Variants in C1GALT1 observed in about 807,000 individuals in gnomAD.
C1GALT1 encodes core 1 synthase, glycoprotein-N-acetylgalactosamine 3-beta-galactosyltransferase 1.
In C1GALT1, 11 loss-of-function variants were observed where a neutral mutation model predicts 31.0. That is an observed-to-expected ratio of 0.36 (90% confidence interval 0.22 to 0.59). The LOEUF (loss-of-function observed/expected upper bound fraction) is 0.59. C1GALT1 is among the 20% of genes least tolerant of loss of function. The pLI is 0.79. For missense variants in C1GALT1, 424 were observed against 425.2 expected (o/e 1.00, Z 0.03); for synonymous variants, 175 against 143.6 (o/e 1.22, Z -1.56).
At position 7,215,328 on chromosome 7, in the gene C1GALT1, C is replaced by T. The variant is rs529478713; in HGVS notation, c.-17-18975C>T. ...CTGAAGACCAACCTCACAAATCCTT[C>T]TTCATTAATTATAAATTTACAGAGA... On this transcript the variant is annotated intron_variant, in intron 1 of 3. Transcript: ENST00000436587. 3.9e-5 allele frequency among the ~76,000 whole-genome samples: 6 copies of T among 152,298 alleles called. No homozygotes were observed. In the East Asian group the frequency reaches 1.2e-3, roughly 29 times the overall value.
intron 2 of C1GALT1, among the ~76,000 whole-genome samples, chr7:7,176,460 A>AT (rs1193502680): frequency 6.6e-6 from 1 of 151,666 alleles, no homozygotes; most frequent in Non-Finnish European, 1.5e-5. Flanking sequence ...TTTCTCATCA[A>AT]TTGAGAAAAC....
intron 2 of C1GALT1, among the ~76,000 whole-genome samples, chr7:7,171,005 TATTC>T (rs1434783054): frequency 1.3e-5 from 2 of 152,202 alleles, no homozygotes; most frequent in Admixed American, 1.3e-4. Context: ...TTTTAAAATT[TATTC>T]ACTTGTTTTG....
At chr7:7,216,536 C>T (rs571270032) in intron 1 of C1GALT1, among the ~76,000 whole-genome samples, 4 of 151,122 alleles carry the variant, frequency 2.6e-5, no homozygotes, top group South Asian at 4.2e-4. Context: ...TGTCACCTTT[C>T]GGGCAAGGCT....
intron 2 of C1GALT1, 36 bp downstream of exon 2, chr7:7,234,575 G>A: frequency 1.3e-6 from 2 of 1,495,066 alleles, no homozygotes; most frequent in Non-Finnish European, 1.9e-6. Flanking sequence ...AACATAAGCA[G>A]TATTTTAGTC....
intron 1 of C1GALT1, among the ~76,000 whole-genome samples, chr7:7,213,025 A>G (rs1243032997): frequency 1.3e-5 from 2 of 152,218 alleles, no homozygotes; most frequent in Admixed American, 1.3e-4. Flanking sequence ...AAACCAAACA[A>G]GGATCAACAA....
chr7:7,192,816 A>G (rs573925384), intron 1 of C1GALT1, among the ~76,000 whole-genome samples: 2 of 152,060 alleles, frequency 1.3e-5, no homozygotes, highest in African/African-American at 4.8e-5. Flanking sequence ...GCCAACATCT[A>G]TTATTTTTTG....
chr7:7,187,891 T>C (rs1780892133), intron 1 of C1GALT1, among the ~76,000 whole-genome samples: 1 of 152,194 alleles, frequency 6.6e-6, no homozygotes, highest in Admixed American at 6.5e-5. Flanking sequence ...ATAGCCTTTA[T>C]TTATATATCA....
At chr7:7,236,799 C>T (rs1354329009) in intron 2 of C1GALT1, among the ~76,000 whole-genome samples, 1 of 152,192 alleles carries the variant, frequency 6.6e-6, no homozygotes, top group African/African-American at 2.4e-5. Context: ...GCTGGGATTA[C>T]AGGCCTGAGC....
intron 1 of C1GALT1, among the ~76,000 whole-genome samples, chr7:7,193,943 AAG>A (rs1233587437): frequency 1.3e-5 from 2 of 151,822 alleles, no homozygotes; most frequent in Non-Finnish European, 2.9e-5. Flanking sequence ...GACATAGTAA[AAG>A]AGTTTGAGTT....
chr7:7,191,629 C>T (rs1781076853), intron 1 of C1GALT1, among the ~76,000 whole-genome samples: 1 of 151,602 alleles, frequency 6.6e-6, no homozygotes, highest in South Asian at 2.1e-4. Flanking sequence ...TCCACATTCT[C>T]TTCAACACTT....
intron 2 of C1GALT1, among the ~76,000 whole-genome samples, chr7:7,157,660 TGTCTA>T (rs1197675520): frequency 4.7e-4 from 72 of 152,332 alleles, no homozygotes; most frequent in African/African-American, 1.7e-3. Flanking sequence ...CTTAGTTAGG[TGTCTA>T]TTAGCTTCCC....
intron 2 of C1GALT1, chr7:7,234,774 G>T (rs1783257396): frequency 5.5e-6 from 2 of 366,774 alleles, no homozygotes; most frequent in East Asian, 4.9e-5. Flanking sequence ...TTTGGGGAAG[G>T]GCATAACTAT....
At chr7:7,162,328 A>T (rs1240579696) in intron 2 of C1GALT1, among the ~76,000 whole-genome samples, 23 of 129,304 alleles carry the variant, frequency 1.8e-4, no homozygotes, top group African/African-American at 6.3e-4. Flanking sequence ...ATGTGTTCTC[A>T]TTGTTCAATT....
At chr7:7,173,690 T>G (rs926942893) in intron 2 of C1GALT1, among the ~76,000 whole-genome samples, 3 of 152,094 alleles carry the variant, frequency 2.0e-5, no homozygotes, top group Non-Finnish European at 4.4e-5. Flanking sequence ...TTACTTAAGC[T>G]CAGGAGTTGA....
chr7:7,242,505 A>G (rs1274041753), intron 3 of C1GALT1, among the ~76,000 whole-genome samples: 1 of 152,070 alleles, frequency 6.6e-6, no homozygotes, highest in Non-Finnish European at 1.5e-5. Context: ...TTTATTAAAT[A>G]TTCAGTCAAT....
chr7:7,217,427 T>G (rs1416406340), intron 1 of C1GALT1, among the ~76,000 whole-genome samples: 1 of 152,060 alleles, frequency 6.6e-6, no homozygotes, highest in Non-Finnish European at 1.5e-5. Context: ...GTAGTGGTCA[T>G]TCACAAGTGA....
chr7:7,172,809 T>A (rs1038379375), intron 2 of C1GALT1, among the ~76,000 whole-genome samples: 14 of 152,190 alleles, frequency 9.2e-5, no homozygotes, highest in African/African-American at 2.9e-4. Flanking sequence ...CAGTGACACA[T>A]CATTATCAAG....
chr7:7,218,281 T>C (rs1472212660), intron 1 of C1GALT1, among the ~76,000 whole-genome samples: 1 of 152,184 alleles, frequency 6.6e-6, no homozygotes, highest in Non-Finnish European at 1.5e-5. Context: ...GGATGGGGAA[T>C]GTCAGAAATA....
chr7:7,183,501 ATTTT>A, intron 1 of C1GALT1: 1 of 628,620 alleles, frequency 1.6e-6, no homozygotes, highest in Non-Finnish European at 2.0e-6. Context: ...AAGGCATTAA[ATTTT>A]TTTTTTTTGC....
Sources: allele counts gnomAD v4.1 joint callset (sites outside exome capture counted in the v4.1 genomes callset), GRCh38; gene constraint gnomAD v4.1.1; transcripts MANE v1.5; gene names NCBI Gene and HGNC (gene_info 2026-07-23, HGNC 2026-07-21).